Variants in HDAC9 observed in about 807,000 individuals in gnomAD.
The protein encoded by HDAC9 is MEF-2 interacting transcription repressor (MITR) protein.
In HDAC9, 41 loss-of-function variants were observed where a neutral mutation model predicts 139.4. That is an observed-to-expected ratio of 0.29 (90% CI 0.23 to 0.38). HDAC9 has a LOEUF of 0.38. HDAC9 is among the 10% of genes least tolerant of loss of function. HDAC9 has a pLI of 1.00. For missense variants in HDAC9, 1,147 were observed against 1,297.0 expected, an observed-to-expected ratio of 0.88 and a Z score of 1.78; for synonymous variants, 517 against 476.2, an observed-to-expected ratio of 1.09 and a Z score of -1.12.
chr7:18,177,785 T>C (rs1306503800), intron 2 of HDAC9, among the ~76,000 whole-genome samples: 1 of 152,028 alleles, frequency 6.6e-6, no homozygotes, highest in Non-Finnish European at 1.5e-5. Context: ...TTATGGTTGC[T>C]CTCTTAGTTA....
chr7:18,548,177 A>C (rs184212045), intron 2 of HDAC9, among the ~76,000 whole-genome samples: 59 of 152,256 alleles, frequency 3.9e-4, no homozygotes, highest in African/African-American at 1.4e-3. Context: ...TCAGAGACTG[A>C]CTGCTGGTCA....
intron 2 of HDAC9, among the ~76,000 whole-genome samples, chr7:18,211,774 A>T (rs1791954499): frequency 6.6e-6 from 1 of 152,144 alleles, no homozygotes; most frequent in Admixed American, 6.6e-5. Context: ...TGGTGAATAC[A>T]GAGTGTTGTG....
intron 2 of HDAC9, among the ~76,000 whole-genome samples, chr7:18,266,214 T>C (rs190888873): frequency 6.6e-6 from 1 of 152,306 alleles, no homozygotes; most frequent in Admixed American, 6.5e-5. Context: ...TAGAAAATTC[T>C]AAGTATTGAC....
intron 1 of HDAC9, among the ~76,000 whole-genome samples, chr7:18,479,920 A>G (rs1278063181): frequency 6.6e-6 from 1 of 151,152 alleles, no homozygotes; most frequent in Non-Finnish European, 1.5e-5. Context: ...ATGCTAAGAG[A>G]GGTCTAAAAT....
chr7:18,506,587 A>G (rs1021136083), intron 2 of HDAC9, among the ~76,000 whole-genome samples: 3 of 151,768 alleles, frequency 2.0e-5, no homozygotes, highest in African/African-American at 7.3e-5. Context: ...TTTTAATCCC[A>G]TGAAGCTTGG....
At chr7:18,715,259 C>A (rs779894714) in intron 12 of HDAC9, among the ~76,000 whole-genome samples, 1 of 150,644 alleles carries the variant, frequency 6.6e-6, no homozygotes, top group African/African-American at 2.4e-5. Flanking sequence ...TTTTTTAAAG[C>A]GGATACTTCT....
intron 12 of HDAC9, among the ~76,000 whole-genome samples, chr7:18,710,450 A>G (rs1784260523): frequency 6.6e-6 from 1 of 152,220 alleles, no homozygotes; most frequent in Admixed American, 6.5e-5. Flanking sequence ...TATATCAATC[A>G]TACACACATG....
At chr7:18,609,748 TTAAG>T (rs1490021309) in intron 6 of HDAC9, among the ~76,000 whole-genome samples, 5 of 152,050 alleles carry the variant, frequency 3.3e-5, no homozygotes, top group African/African-American at 1.2e-4. Flanking sequence ...GTCATTTACA[TTAAG>T]TATTTCTCCT....
chr7:18,987,018 G>A (rs2129345971), intron 25 of HDAC9, among the ~76,000 whole-genome samples: 1 of 152,264 alleles, frequency 6.6e-6, no homozygotes, highest in South Asian at 2.1e-4. Context: ...TGCAAACAGG[G>A]ACAATTTGAC....
At chr7:18,536,522 G>A (rs1310017151) in intron 2 of HDAC9, among the ~76,000 whole-genome samples, 1 of 152,136 alleles carries the variant, frequency 6.6e-6, no homozygotes. Flanking sequence ...CATTCAGTGA[G>A]GAAACATTCA....
intron 16 of HDAC9, among the ~76,000 whole-genome samples, chr7:18,789,065 C>T (rs1792070061): frequency 6.6e-6 from 1 of 152,112 alleles, no homozygotes; most frequent in Admixed American, 6.6e-5. Context: ...TCGATGCTAT[C>T]ACTAACACAG....
At chr7:18,564,795 G>A (rs1821747894) in intron 2 of HDAC9, among the ~76,000 whole-genome samples, 1 of 151,644 alleles carries the variant, frequency 6.6e-6, no homozygotes, top group Admixed American at 6.6e-5. Flanking sequence ...TTATTTTTCT[G>A]TAAGATGAAG....
intron 24 of HDAC9, among the ~76,000 whole-genome samples, chr7:18,969,878 T>C (rs1212636869): frequency 6.6e-6 from 1 of 152,172 alleles, no homozygotes; most frequent in Non-Finnish European, 1.5e-5. Flanking sequence ...TTTGCCAAAG[T>C]GGAGTATGCT....
intron 1 of HDAC9, among the ~76,000 whole-genome samples, chr7:18,326,419 T>C (rs1167348714): frequency 6.6e-6 from 1 of 152,010 alleles, no homozygotes; most frequent in East Asian, 1.9e-4. Flanking sequence ...TATTCAGAAA[T>C]ATTTATATTA....
chr7:18,941,959 T>C (rs1051752178), intron 23 of HDAC9, among the ~76,000 whole-genome samples: 3 of 152,086 alleles, frequency 2.0e-5, no homozygotes, highest in Non-Finnish European at 4.4e-5. Flanking sequence ...ATTTTCTATA[T>C]AGTCTTTAGG....
intron 17 of HDAC9, among the ~76,000 whole-genome samples, chr7:18,824,635 G>C (rs184706148): frequency 2.4e-4 from 36 of 152,188 alleles, no homozygotes; most frequent in Non-Finnish European, 4.4e-4. Flanking sequence ...TGTATTGAAA[G>C]CAAAGAGTCA....
intron 2 of HDAC9, among the ~76,000 whole-genome samples, chr7:18,548,192 A>G (rs1815820122): frequency 6.6e-6 from 1 of 152,148 alleles, no homozygotes; most frequent in African/African-American, 2.4e-5. Context: ...TGGTCAGTGA[A>G]GTCGGAACAC....
At chr7:18,259,972 T>C (rs1795541575) in intron 2 of HDAC9, among the ~76,000 whole-genome samples, 1 of 152,188 alleles carries the variant, frequency 6.6e-6, no homozygotes. Flanking sequence ...ATCATACTGA[T>C]ATGTATATTT....
At chr7:18,756,305 A>G (rs1317497993) in intron 14 of HDAC9, among the ~76,000 whole-genome samples, 2 of 152,332 alleles carry the variant, frequency 1.3e-5, no homozygotes, top group East Asian at 1.9e-4. Context: ...CAAAGATGAC[A>G]CTAACTCACA....
Sources: gnomAD v4.1 joint callset for allele counts (sites outside exome capture counted in the v4.1 genomes callset) on GRCh38, gnomAD v4.1.1 for gene constraint, MANE v1.5 for transcripts, NCBI Gene and HGNC (gene_info 2026-07-23, HGNC 2026-07-21) for gene names.